BRWD1: variants seen among roughly 807,000 people sequenced by gnomAD.
BRWD1 encodes bromodomain and WD repeat-containing protein 1.
A neutral mutation model predicts 251.2 loss-of-function variants in BRWD1; 82 were observed. The ratio of observed to expected loss-of-function variants is 0.33; its 90% CI spans 0.27 to 0.39. The LOEUF is 0.39. Among genes scored for constraint, BRWD1 ranks in the 10% least tolerant of loss-of-function variants. BRWD1 has a pLI of 1.00. For synonymous variants in BRWD1, 918 were observed against 902.8 expected (o/e 1.02, Z -0.30); for missense variants, 2,233 against 2,711.6 (o/e 0.82, Z 3.92).
chr21:39,204,199 AG>A (rs1263784110), intron 37 of BRWD1, among the ~76,000 whole-genome samples: 1 of 149,274 alleles, frequency 6.7e-6, no homozygotes, highest in Non-Finnish European at 1.5e-5. Context: ...CCACCTAGGA[AG>A]GGGATGGAAG....
rs557911463 is a variant in BRWD1 at position 39,191,929 on chromosome 21, G to A, written c.*4330C>T. 6.1e-6 allele frequency: 6 copies of A among 984,060 alleles called. No homozygotes were observed. The African/African-American group carries it at 7.0e-5, about 11-fold the overall frequency. 61.0% of individuals were successfully genotyped at this position (984,060 alleles called of 1,614,324 possible). On this transcript the variant is annotated 3_prime_UTR_variant, in exon 41 of 41. Transcript: ENST00000342449. Reference sequence around the variant, plus strand: ...ATTGATAATTAAATTCAAACTATTGGTCTTGCCATACTTGAGAAACAGATG... The same window carrying A: ...ATTGATAATTAAATTCAAACTATTGATCTTGCCATACTTGAGAAACAGATG...
intron 15 of BRWD1, among the ~76,000 whole-genome samples, chr21:39,268,461 T>A (rs1043277177): frequency 2.1e-5 from 3 of 146,046 alleles, no homozygotes; most frequent in South Asian, 2.2e-4. Flanking sequence ...AAAAAAAAAA[T>A]TATCACCATA....
At chr21:39,244,755 T>C (rs987912609) in intron 21 of BRWD1, among the ~76,000 whole-genome samples, 3 of 151,724 alleles carry the variant, frequency 2.0e-5, no homozygotes, top group South Asian at 2.1e-4. Flanking sequence ...GGCGGAGAGG[T>C]TGGAACAGAG....
At position 39,190,043 on chromosome 21, in the gene BRWD1, CTG is replaced by C; in HGVS notation, c.*6214_*6215del. ...GCAAGAACACATCAGTAGTGTAAAA[CTG>C]TACATCTGTAGTAGCACTCCATGAT... On this transcript the variant is annotated 3_prime_UTR_variant, in exon 41 of 41. Coordinates refer to ENST00000342449, the MANE Select transcript of BRWD1 (RefSeq NM_033656.4). The C allele has an allele frequency of 1.0e-6, 1 of 985,394 alleles. No homozygotes were observed. The highest frequency in any genetic ancestry group is 1.2e-6 in the Non-Finnish European group (1 of 829,908). 61.0% of individuals were successfully genotyped at this position (985,394 alleles called of 1,614,324 possible).
At position 39,195,790 on chromosome 21, in the gene BRWD1, C is replaced by A. The variant is rs1065242; in HGVS notation, c.*469G>T. The stretch of plus-strand genomic sequence containing the variant: ...CCTCGCCTACTAATCATGGTTACAC[C>A]TCCCATGATTATAGTGTCAGTATGC... On this transcript the variant is annotated 3_prime_UTR_variant, in exon 41 of 41. Transcript: ENST00000342449. 1.0e-6 allele frequency: 1 copy of A among 985,126 alleles called. No individual in the cohort carries two copies. The highest frequency in any genetic ancestry group is 1.8e-5 in the African/African-American group (1 of 57,046). The allele number at this position is 985,126 out of a possible 1,614,324, so 61.0% of individuals were successfully genotyped here. A position where few individuals can be genotyped will look rare whatever the true frequency, so the allele number is the denominator to read the frequency against.
chr21:39,295,225 C>T (rs1418827828), intron 7 of BRWD1, among the ~76,000 whole-genome samples: 1 of 140,162 alleles, frequency 7.1e-6, no homozygotes, highest in South Asian at 2.4e-4. Flanking sequence ...CTCGCTCTGT[C>T]GCCCAGGCTG....
intron 32 of BRWD1, among the ~76,000 whole-genome samples, chr21:39,214,849 G>C (rs536899794): frequency 6.7e-6 from 1 of 148,460 alleles, no homozygotes; most frequent in Non-Finnish European, 1.5e-5. Context: ...ATAGTTCTGA[G>C]TAAAAAACAA....
At chr21:39,296,918 G>T (rs921710697) in intron 5 of BRWD1, 1 of 984,494 alleles carries the variant, frequency 1.0e-6, no homozygotes, top group African/African-American at 1.7e-5. Flanking sequence ...GAAAATTCAT[G>T]ACTTGTTCAG....
chr21:39,272,384 C>T (rs140487698), intron 13 of BRWD1, among the ~76,000 whole-genome samples: 2,257 of 150,990 alleles, frequency 0.015, 53 homozygotes, highest in African/African-American at 0.052. Context: ...AAAAATTAGC[C>T]GGGCATGTGG....
chr21:39,228,448 T>C (rs1285279647), intron 27 of BRWD1, 52 bp downstream of exon 27: 1 of 1,268,582 alleles, frequency 7.9e-7, no homozygotes, highest in African/African-American at 1.5e-5. Flanking sequence ...GGTAGACCAA[T>C]AAAACAGATT....
rs1270510020 is a variant in BRWD1 at position 39,292,127 on chromosome 21, GGGGGT to G, written c.831+1679_831+1683del. Among the ~76,000 whole-genome samples, 43 of 22,834 alleles carry G rather than the reference GGGGGT, an allele frequency of 1.9e-3. 1 individual carries two copies. Among genetic ancestry groups the G allele is most frequent in the Admixed American group, 1.0e-2 (20 of 2,010 alleles). The allele number at this position is 22,834 out of a possible 152,430, so 15.0% of individuals were successfully genotyped here. A position where few individuals can be genotyped will look rare whatever the true frequency, so the allele number is the denominator to read the frequency against. On this transcript the variant is annotated intron_variant, in intron 8 of 40. Transcript: ENST00000342449. ...AAACTATTTTTTGTGGGGGGTGGGT[GGGGGT>G]GGGGGGGGGGGTCTCACTAAGTTGC...
intron 8 of BRWD1, among the ~76,000 whole-genome samples, chr21:39,282,242 C>CA (rs939719138): frequency 6.6e-6 from 1 of 151,966 alleles, no homozygotes; most frequent in Non-Finnish European, 1.5e-5. Flanking sequence ...GACTCTGTCT[C>CA]AAAAAGCAAA....
chr21:39,189,086 G>T lies in BRWD1; in HGVS notation c.*7173C>A, dbSNP rs13048178. The T allele has an allele frequency of 0.35, 338,553 of 980,572 alleles. 59,904 individuals are homozygous for T. The highest frequency in any genetic ancestry group is 0.38 in the Middle Eastern group (722 of 1,908). 60.7% of individuals were successfully genotyped at this position (980,572 alleles called of 1,614,324 possible). A position where few individuals can be genotyped will look rare whatever the true frequency, so the allele number is the denominator to read the frequency against. On this transcript the variant is annotated 3_prime_UTR_variant, in exon 41 of 41. Coordinates refer to ENST00000342449, the MANE Select transcript of BRWD1 (RefSeq NM_033656.4). ...AACAAGTCAACCCTATATCCAAAATGAATCTTTAACACATTAAATCAATGT... is the reference window on the plus strand; with the variant it reads ...AACAAGTCAACCCTATATCCAAAATTAATCTTTAACACATTAAATCAATGT...
At chr21:39,269,789 G>T in intron 15 of BRWD1, 110 bp downstream of exon 15, 2 of 980,536 alleles carry the variant, frequency 2.0e-6, no homozygotes, top group South Asian at 3.4e-5. Context: ...ATGCTGATTT[G>T]TAAAAACAAA....
chr21:39,264,504 G>C lies in BRWD1; in HGVS notation c.1841C>G (p.Ser614Cys), dbSNP rs2034859240. 1.2e-6 allele frequency: 2 copies of C among 1,609,586 alleles called. No homozygotes were observed. Among genetic ancestry groups the C allele is most frequent in the African/African-American group, 1.3e-5 (1 of 74,376 alleles). ...YQRLVPGREN[S>C]ADEHLIPQLG... ...CTGTGGAATCAAATGTTCATCTGCA[G>C]AATTTTCTCGGCCTGGTACTAATCT... Residue 614 changes from serine (S) to cysteine (C), a missense_variant, in exon 17 of 41, where the codon TCT (serine) becomes TGT (cysteine). By Grantham distance (112) the Ser-to-Cys change is moderately radical. Transcript: ENST00000342449.
intron 32 of BRWD1, among the ~76,000 whole-genome samples, chr21:39,214,326 C>T (rs752801020): frequency 4.6e-5 from 7 of 152,070 alleles, no homozygotes; most frequent in Admixed American, 3.3e-4. Context: ...AATATTCACA[C>T]GTATACAAAC....
chr21:39,219,147 AG>A (rs1309079849), intron 29 of BRWD1, among the ~76,000 whole-genome samples: 4 of 152,186 alleles, frequency 2.6e-5, no homozygotes, highest in Non-Finnish European at 5.9e-5. Flanking sequence ...AGAAGCAGGC[AG>A]GGTGGCTGAC....
intron 1 of BRWD1, chr21:39,320,941 T>G (rs1442171274): frequency 6.6e-6 from 1 of 151,864 alleles, no homozygotes; most frequent in Non-Finnish European, 1.5e-5. Context: ...GTGCTGGGAT[T>G]ACAGGCGTGA....
At chr21:39,313,637 C>A (rs1303506126), upstream of BRWD1, 8 of 523,796 alleles carry the variant, frequency 1.5e-5, no homozygotes, top group Non-Finnish European at 2.9e-6. Flanking sequence ...CCGCCTGGAC[C>A]GACGCCTCCG....
Sources: allele counts gnomAD v4.1 joint callset (sites outside exome capture counted in the v4.1 genomes callset), GRCh38; gene constraint gnomAD v4.1.1; transcripts MANE v1.5; gene names NCBI Gene and HGNC (gene_info 2026-07-23, HGNC 2026-07-21).